Variants in CRAMP1 observed in about 807,000 individuals in gnomAD.
CRAMP1 encodes the protein cramped chromatin regulator 1.
CRAMP1 carries 50 observed loss-of-function variants against 115.4 expected under a neutral mutation model. The ratio of observed to expected loss-of-function variants is 0.43; its 90% CI spans 0.35 to 0.55. The LOEUF is 0.55. Among genes scored for constraint, CRAMP1 ranks in the 20% least tolerant of loss-of-function variants. CRAMP1 has a pLI of 0.01. For synonymous variants in CRAMP1, 866 were observed against 745.4 expected (o/e 1.16, Z -2.64); for missense variants, 1,679 against 1,721.7 (o/e 0.98, Z 0.44).
At chr16:1,616,540 C>T (rs565670449) in intron 2 of CRAMP1, among the ~76,000 whole-genome samples, 1 of 152,302 alleles carries the variant, frequency 6.6e-6, no homozygotes, top group East Asian at 1.9e-4. Context: ...TGAAGTGCTG[C>T]TGAGACGTTA....
At position 1,652,895 on chromosome 16, in the gene CRAMP1, G is replaced by T. The variant is rs911892966; in HGVS notation, c.914-138G>T. On this transcript the variant is annotated intron_variant, in intron 7 of 20. Coordinates refer to ENST00000397412, the MANE Select transcript of CRAMP1 (RefSeq NM_020825.4). ...CTACATTGGAGTTTCTTCTTCGCTG[G>T]GGTTTCTCTGCTCTCCTTGCCTCTG... 9 of 1,036,070 alleles carry T rather than the reference G, an allele frequency of 8.7e-6. No homozygotes were observed. In the African/African-American group the frequency reaches 1.1e-4, roughly 13 times the overall value. The allele number at this position is 1,036,070 out of a possible 1,614,324, so 64.2% of individuals were successfully genotyped here. A position where few individuals can be genotyped will look rare whatever the true frequency, so the allele number is the denominator to read the frequency against.
chr16:1,649,984 G>T (rs961078463), intron 6 of CRAMP1, among the ~76,000 whole-genome samples: 44 of 151,984 alleles, frequency 2.9e-4, no homozygotes, highest in African/African-American at 9.9e-4. Flanking sequence ...TGTAGAGACA[G>T]GGTTTCGTCA....
chr16:1,658,748 A>T (rs989269920), intron 10 of CRAMP1, among the ~76,000 whole-genome samples: 1 of 152,142 alleles, frequency 6.6e-6, no homozygotes. Context: ...ATGAGGTGGG[A>T]GGGGTCCTGG....
intron 6 of CRAMP1, among the ~76,000 whole-genome samples, chr16:1,650,084 G>A (rs889438203): frequency 3.9e-5 from 6 of 152,118 alleles, no homozygotes; most frequent in African/African-American, 1.4e-4. Context: ...GTGAGCCACC[G>A]TGCCCGGCTT....
chr16:1,664,147 C>T (rs1296528734), intron 13 of CRAMP1, among the ~76,000 whole-genome samples: 5 of 152,214 alleles, frequency 3.3e-5, no homozygotes, highest in Non-Finnish European at 7.3e-5. Flanking sequence ...GCGGAAGCGC[C>T]TCAGACACTT....
chr16:1,620,691 G>A (rs1208092982), intron 2 of CRAMP1: 10 of 456,478 alleles, frequency 2.2e-5, no homozygotes, highest in East Asian at 2.1e-4. Flanking sequence ...CGTGCCTTTC[G>A]GTGAGTCATT....
intron 5 of CRAMP1, 34 bp from the exon 6 acceptor site, chr16:1,641,105 T>C (rs2072986): frequency 0.2 from 299,669 of 1,500,066 alleles, 45,617 homozygotes; most frequent in African/African-American, 0.65. Flanking sequence ...CTAACTACAT[T>C]GTGGTCTCAT....
chr16:1,618,699 T>C (rs1596480916), intron 2 of CRAMP1, among the ~76,000 whole-genome samples: 1 of 152,184 alleles, frequency 6.6e-6, no homozygotes, highest in Admixed American at 6.5e-5. Context: ...GTGGACTGTT[T>C]GTAGTTTCTA....
chr16:1,649,593 C>T (rs1203511152), intron 6 of CRAMP1, among the ~76,000 whole-genome samples: 1 of 151,514 alleles, frequency 6.6e-6, no homozygotes, highest in African/African-American at 2.4e-5. Flanking sequence ...GGGTTCACAC[C>T]ATTCTCCTGC....
intron 10 of CRAMP1, among the ~76,000 whole-genome samples, chr16:1,658,495 G>C (rs972590877): frequency 6.6e-6 from 1 of 152,166 alleles, no homozygotes; most frequent in Non-Finnish European, 1.5e-5. Context: ...ATCCCACATG[G>C]AAAGGCATCC....
rs936715308 is a variant in CRAMP1 at position 1,670,786 on chromosome 16, A to G, written c.3622A>G (p.Arg1208Gly). ...DGNSRDSFVS[R>G]SLADVAEVVD... ...AAACTCGCGGGACTCATTTGTGTCC[A>G]GGTCCCTGGCTGACGTTGCAGAGGT... is the stretch of plus-strand genomic sequence containing the variant. The change falls in exon 20 of 21, where the codon AGG becomes GGG. Residue 1208 changes from arginine (R) to glycine (G), a missense_variant. This residue lies in a region of CRAMP1 where 709 missense variants were observed against 741.9 expected (regional missense o/e 0.96). Coordinates refer to ENST00000397412, the MANE Select transcript of CRAMP1 (RefSeq NM_020825.4). 6.2e-7 allele frequency: 1 copy of G among 1,613,998 alleles called. No homozygotes were observed. The highest frequency in any genetic ancestry group is 8.5e-7 in the Non-Finnish European group (1 of 1,179,876).
chr16:1,661,381 CGG>C (rs2036827839), intron 11 of CRAMP1, among the ~76,000 whole-genome samples: 1 of 94,120 alleles, frequency 1.1e-5, no homozygotes, highest in Admixed American at 1.1e-4. Flanking sequence ...TCCTGGGTGA[CGG>C]AGGGGGCCGG....
At position 1,641,130 on chromosome 16, in the gene CRAMP1, C is replaced by A; in HGVS notation, c.779-9C>A. ...TGTGGTCTCATTTATTTATTTTTTC[C>A]ATTTAAAGGTATGGATGACAAGAAT... On this transcript the variant is annotated splice_polypyrimidine_tract_variant and intron_variant, in intron 5 of 20. Transcript: ENST00000397412. 6.2e-7 allele frequency: 1 copy of A among 1,602,328 alleles called. No individual in the cohort carries two copies.
At position 1,669,142 on chromosome 16, in the gene CRAMP1, ACTC is replaced by A; in HGVS notation, c.3480_3482del (p.Ser1161del). ...CAGTGGTACCCCAGTGACTCCACCG[ACTC>A]CTCGCTCAGCAGCCTGTTTGGTGAG... On this transcript the variant is annotated inframe_deletion, in exon 19 of 21. Coordinates refer to ENST00000397412, the MANE Select transcript of CRAMP1 (RefSeq NM_020825.4). The surrounding 1 kb of genome is among the most constrained non-coding windows in gnomAD (Gnocchi z 4.6). 6.2e-7 allele frequency: 1 copy of A among 1,602,500 alleles called. No individual in the cohort carries two copies. The highest frequency in any genetic ancestry group is 8.5e-7 in the Non-Finnish European group (1 of 1,174,332).
In CRAMP1 at chr16:1,662,805, C is replaced by T; in HGVS notation, c.2640C>T (p.Asn880=). The T allele has an allele frequency of 1.9e-6, 3 of 1,613,834 alleles. No homozygotes were observed. ...FFLPKPRKLR[N]RHLRKPLVVQ... Reference sequence around the variant, plus strand: ...TGCCAAAGCCCCGGAAGCTGCGGAACCGGCACCTGCGGAAGCCACTGGTGG... The same window carrying T: ...TGCCAAAGCCCCGGAAGCTGCGGAATCGGCACCTGCGGAAGCCACTGGTGG... Residue 880 remains asparagine, a synonymous_variant, in exon 13 of 21, where the codon AAC becomes AAT. Transcript: ENST00000397412.
chr16:1,632,633 CTGAG>C (rs1370128623), intron 4 of CRAMP1, among the ~76,000 whole-genome samples: 1 of 152,248 alleles, frequency 6.6e-6, no homozygotes, highest in African/African-American at 2.4e-5. Flanking sequence ...TCCAGTGGCT[CTGAG>C]TGTGCGTGAG....
At chr16:1,624,736 A>G (rs1158722125) in intron 2 of CRAMP1, among the ~76,000 whole-genome samples, 4 of 152,110 alleles carry the variant, frequency 2.6e-5, no homozygotes, top group Non-Finnish European at 5.9e-5. Flanking sequence ...GTGTGCCACC[A>G]TGCCCAGCTA....
chr16:1,648,860 C>T (rs1339442894), intron 6 of CRAMP1, among the ~76,000 whole-genome samples: 1 of 152,034 alleles, frequency 6.6e-6, no homozygotes, highest in African/African-American at 2.4e-5. Flanking sequence ...AGATCGAGAC[C>T]ATCCTGGCTA....
Position 1,666,680 on chromosome 16 carries a change from C to A in CRAMP1, c.3036+80C>A. 1 of 1,319,036 alleles carries A rather than the reference C, an allele frequency of 7.6e-7. No homozygotes were observed. 81.7% of individuals were successfully genotyped at this position (1,319,036 alleles called of 1,614,324 possible). A position where few individuals can be genotyped will look rare whatever the true frequency, so the allele number is the denominator to read the frequency against. Reference sequence around the variant, plus strand: ...CCAAAGCCATGGGGCTGAGATCACGCTGGACTCCAGCTCTGCCTTTGGAGG... The same window carrying A: ...CCAAAGCCATGGGGCTGAGATCACGATGGACTCCAGCTCTGCCTTTGGAGG... On this transcript the variant is annotated intron_variant, in intron 16 of 20. Transcript: ENST00000397412. The surrounding 1 kb of genome is among the most constrained non-coding windows in gnomAD (Gnocchi z 5.0).
Sources: gnomAD v4.1 joint callset for allele counts (sites outside exome capture counted in the v4.1 genomes callset) on GRCh38, gnomAD v4.1.1 for gene constraint, gnomAD v4.1.1 regional missense constraint, Gnocchi (gnomAD v3.1) non-coding constraint, MANE v1.5 for transcripts, NCBI Gene and HGNC (gene_info 2026-07-23, HGNC 2026-07-21) for gene names.